The following UBE2K variants were observed in gnomAD, a reference collection of about 807,000 sequenced individuals.
UBE2K encodes the protein ubiquitin conjugating enzyme E2 K.
In UBE2K, 6 loss-of-function variants were observed where a neutral mutation model predicts 30.0. That is an observed-to-expected ratio of 0.20 (90% CI 0.11 to 0.39). The LOEUF is 0.39. Ranked by LOEUF, UBE2K falls within the 10% of genes least tolerant of loss-of-function variation. The pLI is 1.00. For missense variants in UBE2K, 61 were observed against 241.6 expected (o/e 0.25, Z 4.96); for synonymous variants, 86 against 83.7 (o/e 1.03, Z -0.15).
At chr4:39,770,768 G>T in intron 4 of UBE2K, 1 of 1,583,020 alleles carries the variant, frequency 6.3e-7, no homozygotes, top group Non-Finnish European at 8.6e-7. Context: ...GGCCTCCAGG[G>T]GGCTTGAGCC....
At chr4:39,764,658 A>G (rs1179961484) in intron 4 of UBE2K, among the ~76,000 whole-genome samples, 1 of 151,964 alleles carries the variant, frequency 6.6e-6, no homozygotes, top group African/African-American at 2.4e-5. Flanking sequence ...GCTGGCTGGT[A>G]CTCAAGCAAT....
chr4:39,709,432 A>G (rs914096338), intron 1 of UBE2K, among the ~76,000 whole-genome samples: 2 of 152,046 alleles, frequency 1.3e-5, no homozygotes, highest in African/African-American at 4.8e-5. Flanking sequence ...GATTTTCTGC[A>G]GTTTCAGTTA....
intron 4 of UBE2K, among the ~76,000 whole-genome samples, chr4:39,768,872 A>G (rs945230531): frequency 3.1e-4 from 47 of 151,918 alleles, no homozygotes; most frequent in African/African-American, 1.1e-3. Flanking sequence ...TTATTTATCT[A>G]TTTTTGATGG....
rs149325472 is a variant in UBE2K, at chr4:39,722,152, G to A, written c.64-15268G>A. Among the ~76,000 whole-genome samples the A allele has an allele frequency of 1.4e-4, 22 of 152,142 alleles. No individual in the cohort carries two copies. The East Asian group carries it at 3.5e-3, about 24-fold the overall frequency. ...TAAAAAAAAGTCTTATCTACGTAACGTTCACAGATTGTATATAATTGTATT... is the reference window on the plus strand; with the variant it reads ...TAAAAAAAAGTCTTATCTACGTAACATTCACAGATTGTATATAATTGTATT... On this transcript the variant is annotated intron_variant, in intron 1 of 6. Transcript: ENST00000261427.
intron 4 of UBE2K, among the ~76,000 whole-genome samples, chr4:39,756,476 A>G (rs1047840721): frequency 2.0e-5 from 3 of 152,324 alleles, no homozygotes; most frequent in South Asian, 2.1e-4. Context: ...GTTTTGAGAC[A>G]GGGTCTTGCC....
At chr4:39,723,124 C>T (rs1047904212) in intron 1 of UBE2K, among the ~76,000 whole-genome samples, 15 of 151,634 alleles carry the variant, frequency 9.9e-5, no homozygotes, top group African/African-American at 2.7e-4. Flanking sequence ...GCTCACTGCA[C>T]CCCCTGCCTT....
chr4:39,769,969 C>T, intron 4 of UBE2K: 2 of 743,126 alleles, frequency 2.7e-6, no homozygotes, highest in Non-Finnish European at 4.3e-6. Flanking sequence ...GCTCAGCCTC[C>T]CACTCTTACC....
At chr4:39,737,972 T>C (rs532436377) in intron 2 of UBE2K, among the ~76,000 whole-genome samples, 3 of 152,316 alleles carry the variant, frequency 2.0e-5, no homozygotes, top group Admixed American at 6.5e-5. Flanking sequence ...ATGTTTATTT[T>C]CTTTATTCAG....
chr4:39,746,026 C>G (rs1720971158), intron 3 of UBE2K, among the ~76,000 whole-genome samples: 1 of 151,840 alleles, frequency 6.6e-6, no homozygotes. Context: ...AGTAATGGCT[C>G]AAAACTGGAA....
chr4:39,709,987 T>G (rs1453046387), intron 1 of UBE2K: 1 of 152,188 alleles, frequency 6.6e-6, no homozygotes, highest in East Asian at 1.9e-4. Context: ...ATAGGCAGTC[T>G]CATTCATCTG....
chr4:39,771,121 G>T, intron 4 of UBE2K: 1 of 1,612,530 alleles, frequency 6.2e-7, no homozygotes, highest in Non-Finnish European at 8.5e-7. Context: ...GTAGGAGGTG[G>T]CTGTAAGATA....
At chr4:39,746,083 G>A (rs1391870679) in intron 3 of UBE2K, among the ~76,000 whole-genome samples, 1 of 151,918 alleles carries the variant, frequency 6.6e-6, no homozygotes, top group Non-Finnish European at 1.5e-5. Flanking sequence ...CTAGAAATAC[G>A]TGGCAGTGTT....
chr4:39,728,055 A>C (rs934378168), intron 1 of UBE2K, among the ~76,000 whole-genome samples: 1 of 151,930 alleles, frequency 6.6e-6, no homozygotes, highest in African/African-American at 2.4e-5. Context: ...AATCGCTTCA[A>C]CCCGGGTGGT....
chr4:39,737,334 A>G (rs894453639), intron 1 of UBE2K, 86 bp from the exon 2 acceptor site: 5 of 653,592 alleles, frequency 7.7e-6, no homozygotes, highest in South Asian at 2.7e-5. Context: ...CTTATGAAAG[A>G]GGGGGTTTCA....
At chr4:39,771,315 G>A (rs1467604022) in intron 4 of UBE2K, 1 of 1,612,202 alleles carries the variant, frequency 6.2e-7, no homozygotes, top group Non-Finnish European at 8.5e-7. Context: ...GAAACTTGAG[G>A]CTGTCGGCCA....
intron 1 of UBE2K, among the ~76,000 whole-genome samples, chr4:39,698,602 T>A (rs1717831755): frequency 6.6e-6 from 1 of 151,888 alleles, no homozygotes; most frequent in South Asian, 2.1e-4. Flanking sequence ...GCGGGTGGTC[T>A]GGGGTGGAAC....
At chr4:39,770,579 C>G (rs1712727637) in intron 4 of UBE2K, 1 of 1,582,928 alleles carries the variant, frequency 6.3e-7, no homozygotes, top group Non-Finnish European at 8.6e-7. Context: ...AGGTGGCCCC[C>G]ACGCTGGCCC....
chr4:39,710,161 A>G (rs184487799), intron 1 of UBE2K: 126 of 152,164 alleles, frequency 8.3e-4, no homozygotes, highest in African/African-American at 3.0e-3. Context: ...TTAATTGTAA[A>G]CACCACTGCA....
Position 39,747,172 on chromosome 4 carries a change from C to A in UBE2K, c.216+1362C>A, listed in dbSNP as rs377726182. Among the ~76,000 whole-genome samples, 8 of 152,228 alleles carry A rather than the reference C, an allele frequency of 5.3e-5. No homozygotes were observed. In the East Asian group the frequency reaches 1.5e-3, roughly 29 times the overall value. On this transcript the variant is annotated intron_variant, in intron 3 of 6. Transcript: ENST00000261427. ...TATGTACATCTATTTTCTGATAAGT[C>A]TGGTCGATTTTTTTATTGTGATAAA...
Sources: allele counts gnomAD v4.1 joint callset (sites outside exome capture counted in the v4.1 genomes callset), GRCh38; gene constraint gnomAD v4.1.1; transcripts MANE v1.5; gene names NCBI Gene and HGNC (gene_info 2026-07-23, HGNC 2026-07-21).